The following HS3ST4 variants were observed in gnomAD, a reference collection of about 807,000 sequenced individuals.
HS3ST4 encodes the protein heparan sulfate-glucosamine 3-sulfotransferase 4, also known as heparan sulfate glucosamine 3-O-sulfotransferase 4.
A neutral mutation model predicts 29.2 loss-of-function variants in HS3ST4; 17 were observed. The ratio of observed to expected loss-of-function variants is 0.58; its 90% CI spans 0.40 to 0.87. HS3ST4 has a LOEUF of 0.87. HS3ST4 is among the 40% of genes least tolerant of loss of function. The pLI, the probability that HS3ST4 is intolerant of heterozygous loss-of-function variation, is 0.00. For missense variants in HS3ST4, 627 were observed against 634.5 expected (o/e 0.99, Z 0.13); for synonymous variants, 314 against 285.7 (o/e 1.10, Z -1.00).
At position 25,996,507 on chromosome 16, in the gene HS3ST4, G is replaced by T. The variant is rs76026246; in HGVS notation, c.735-139105G>T. ...TTTATTATTTTTTTACCAAATGATA[G>T]GCAATTGTGCCAGCACCATTTATTA... On this transcript the variant is annotated intron_variant, in intron 1 of 1. Transcript: ENST00000331351. Among the ~76,000 whole-genome samples, 969 of 152,076 alleles carry T rather than the reference G, an allele frequency of 6.4e-3. 11 individuals carry two copies. Among genetic ancestry groups the T allele is most frequent in the African/African-American group, 0.023 (940 of 41,486 alleles).
intron 1 of HS3ST4, among the ~76,000 whole-genome samples, chr16:26,078,285 C>T (rs1258331570): frequency 1.3e-5 from 2 of 152,022 alleles, no homozygotes; most frequent in Non-Finnish European, 2.9e-5. Flanking sequence ...GGACTACAGG[C>T]GCCCACGACC....
chr16:25,854,901 G>A (rs1967560358), intron 1 of HS3ST4, among the ~76,000 whole-genome samples: 1 of 152,178 alleles, frequency 6.6e-6, no homozygotes, highest in Admixed American at 6.5e-5. Context: ...GCCATCCTGG[G>A]CTGTCAGTTG....
chr16:25,794,654 TTC>T (rs768060042), intron 1 of HS3ST4, among the ~76,000 whole-genome samples: 37 of 152,072 alleles, frequency 2.4e-4, no homozygotes, highest in Non-Finnish European at 3.5e-4. Flanking sequence ...TTTGAAATTT[TTC>T]TCTGTTTTTT....
chr16:25,973,767 T>C lies in HS3ST4; in HGVS notation c.735-161845T>C, dbSNP rs571716825. On this transcript the variant is annotated intron_variant, in intron 1 of 1. Transcript: ENST00000331351. ...TCGGGACTTTTAAAGAACTTAACAG[T>C]TTTATGAGCTTTTCTTACCCCTATT... Among the ~76,000 whole-genome samples, 3 of 152,244 alleles carry C rather than the reference T, an allele frequency of 2.0e-5. No homozygotes were observed. In the East Asian group the frequency reaches 5.8e-4, roughly 29 times the overall value.
At chr16:26,119,832 G>A (rs1899248356) in intron 1 of HS3ST4, among the ~76,000 whole-genome samples, 1 of 152,164 alleles carries the variant, frequency 6.6e-6, no homozygotes, top group African/African-American at 2.4e-5. Context: ...TTAGGAGCTT[G>A]CATTCTTTAG....
chr16:26,041,356 GATAATA>G (rs201273713), intron 1 of HS3ST4, among the ~76,000 whole-genome samples: 2 of 151,192 alleles, frequency 1.3e-5, no homozygotes, highest in African/African-American at 4.9e-5. Flanking sequence ...TAATAATAAT[GATAATA>G]ATAATAATAA....
chr16:25,722,278 AC>A (rs1236716923), intron 1 of HS3ST4, among the ~76,000 whole-genome samples: 32 of 152,172 alleles, frequency 2.1e-4, no homozygotes, highest in African/African-American at 7.0e-4. Context: ...GAGGGTACAA[AC>A]CCCAGAACTG....
At chr16:26,074,293 A>AT (rs978006447) in intron 1 of HS3ST4, among the ~76,000 whole-genome samples, 16 of 151,704 alleles carry the variant, frequency 1.1e-4, no homozygotes, top group African/African-American at 2.2e-4. Flanking sequence ...TTCACAAACA[A>AT]TTTTTTTTTC....
chr16:26,041,038 G>T (rs57338010), intron 1 of HS3ST4, among the ~76,000 whole-genome samples: 1 of 152,110 alleles, frequency 6.6e-6, no homozygotes, highest in Non-Finnish European at 1.5e-5. Context: ...CTGGCTACAC[G>T]TTGGAATCAC....
intron 1 of HS3ST4, among the ~76,000 whole-genome samples, chr16:26,104,362 GT>G (rs1422581899): frequency 6.6e-6 from 1 of 152,156 alleles, no homozygotes; most frequent in Non-Finnish European, 1.5e-5. Flanking sequence ...ATGTGATTGG[GT>G]TTGTTGACAA....
chr16:26,040,656 T>C (rs537422786), intron 1 of HS3ST4, among the ~76,000 whole-genome samples: 6 of 149,528 alleles, frequency 4.0e-5, no homozygotes, highest in Non-Finnish European at 9.0e-5. Context: ...CTGTGAACAC[T>C]TGTGGGGTGT....
intron 1 of HS3ST4, among the ~76,000 whole-genome samples, chr16:25,729,887 A>G (rs1481185239): frequency 6.6e-6 from 1 of 152,218 alleles, no homozygotes; most frequent in African/African-American, 2.4e-5. Context: ...CCGCCTTTCC[A>G]GAGCATTAAA....
chr16:25,824,423 A>T (rs1215591808), intron 1 of HS3ST4, among the ~76,000 whole-genome samples: 1 of 152,200 alleles, frequency 6.6e-6, no homozygotes, highest in African/African-American at 2.4e-5. Flanking sequence ...ACAGTTCCAC[A>T]TGGCTTTGGA....
At chr16:25,888,542 T>C (rs2141667552) in intron 1 of HS3ST4, among the ~76,000 whole-genome samples, 1 of 152,342 alleles carries the variant, frequency 6.6e-6, no homozygotes, top group East Asian at 1.9e-4. Flanking sequence ...CTGTCTGTCC[T>C]TCCTTGGGCC....
intron 1 of HS3ST4, among the ~76,000 whole-genome samples, chr16:25,952,881 A>G (rs1567280055): frequency 6.6e-6 from 1 of 151,492 alleles, no homozygotes; most frequent in Non-Finnish European, 1.5e-5. Context: ...TGACCCTGAA[A>G]TTCTATGAGT....
chr16:25,842,255 T>C (rs1967422734), intron 1 of HS3ST4, among the ~76,000 whole-genome samples: 1 of 152,232 alleles, frequency 6.6e-6, no homozygotes, highest in African/African-American at 2.4e-5. Context: ...ATGAACCACT[T>C]CTTCCAGGTC....
At chr16:26,077,481 C>T (rs560240705) in intron 1 of HS3ST4, among the ~76,000 whole-genome samples, 1 of 152,340 alleles carries the variant, frequency 6.6e-6, no homozygotes, top group East Asian at 1.9e-4. Flanking sequence ...GTCATGCTTT[C>T]TTGTAGGAGC....
intron 1 of HS3ST4, among the ~76,000 whole-genome samples, chr16:26,060,717 TC>T (rs1269998406): frequency 1.3e-5 from 2 of 152,200 alleles, no homozygotes; most frequent in African/African-American, 2.4e-5. Flanking sequence ...TTTGGTGTTC[TC>T]CCAGACACCA....
chr16:25,814,847 C>G (rs117021664), intron 1 of HS3ST4, among the ~76,000 whole-genome samples: 6 of 152,274 alleles, frequency 3.9e-5, no homozygotes, highest in Non-Finnish European at 7.4e-5. Flanking sequence ...TGCACGTTGT[C>G]CAGATAATGG....
Sources: gnomAD v4.1 joint callset for allele counts (sites outside exome capture counted in the v4.1 genomes callset) on GRCh38, gnomAD v4.1.1 for gene constraint, MANE v1.5 for transcripts, NCBI Gene and HGNC (gene_info 2026-07-23, HGNC 2026-07-21) for gene names.